ANKRD27: variants seen among roughly 807,000 people sequenced by gnomAD.
ANKRD27 encodes ankyrin repeat domain-containing protein 27.
In ANKRD27, 112 loss-of-function variants were observed where a neutral mutation model predicts 129.7. The observed-to-expected ratio is 0.86, with a 90% CI of 0.74 to 1.01. The LOEUF (loss-of-function observed/expected upper bound fraction) is 1.01, where lower values mean the gene tolerates loss of function less well. Among genes scored for constraint, ANKRD27 ranks in the 50% least tolerant of loss-of-function variants. The probability of loss-of-function intolerance (pLI) is 0.00; values close to 1 mark genes in which losing one functional copy is unlikely to be tolerated. For synonymous variants in ANKRD27, 516 were observed against 511.2 expected, an observed-to-expected ratio of 1.01 and a Z score of -0.13; for missense variants, 1,258 against 1,300.5, an observed-to-expected ratio of 0.97 and a Z score of 0.50.
rs535559598 is a variant in ANKRD27, at chr19:32,639,949, C to T, written c.983+358G>A. On this transcript the variant is annotated intron_variant, in intron 11 of 28. Coordinates refer to ENST00000306065, the MANE Select transcript of ANKRD27 (RefSeq NM_032139.3). The stretch of plus-strand genomic sequence containing the variant: ...TTTTCCTAGAGTTACATTAGAACTA[C>T]CACAGTGCAGTGCTGCCATTTTTTT... Among the ~76,000 whole-genome samples, 107 of 152,210 alleles carry T rather than the reference C, an allele frequency of 7.0e-4. 1 individual carries two copies. The highest frequency in any genetic ancestry group is 2.3e-3 in the African/African-American group (96 of 41,544).
chr19:32,626,390 T>G (rs957038086), intron 16 of ANKRD27, among the ~76,000 whole-genome samples: 2 of 152,124 alleles, frequency 1.3e-5, no homozygotes, highest in Non-Finnish European at 2.9e-5. Context: ...CTCAGGCTGG[T>G]CTTGAACTCC....
At chr19:32,632,790 C>T (rs1967020146) in intron 12 of ANKRD27, among the ~76,000 whole-genome samples, 1 of 152,088 alleles carries the variant, frequency 6.6e-6, no homozygotes, top group African/African-American at 2.4e-5. Context: ...CAAACCCTGA[C>T]AAATTTGTGG....
chr19:32,620,414 AT>A (rs1971991513), intron 18 of ANKRD27, among the ~76,000 whole-genome samples: 1 of 150,068 alleles, frequency 6.7e-6, no homozygotes. Context: ...CAAAAAAAAA[AT>A]AAACTAGCTG....
chr19:32,638,980 CCA>C (rs1174809386), intron 12 of ANKRD27: 6 of 358,244 alleles, frequency 1.7e-5, no homozygotes, highest in Non-Finnish European at 2.5e-5. Context: ...GAGCCACCAG[CCA>C]CAGAGGTTTC....
At chr19:32,640,271 C>T in intron 11 of ANKRD27, 36 bp downstream of exon 11, 1 of 1,578,454 alleles carries the variant, frequency 6.3e-7, no homozygotes, top group South Asian at 1.1e-5. Flanking sequence ...CCAAGCACTG[C>T]CATTTTCAAA....
chr19:32,660,039 C>T (rs1229378003), intron 1 of ANKRD27, among the ~76,000 whole-genome samples: 3 of 152,134 alleles, frequency 2.0e-5, no homozygotes, highest in African/African-American at 4.8e-5. Context: ...CAGGAGGATC[C>T]GCTTAAGACC....
At chr19:32,655,755 C>T (rs1046705061) in intron 2 of ANKRD27, among the ~76,000 whole-genome samples, 8 of 151,950 alleles carry the variant, frequency 5.3e-5, no homozygotes, top group South Asian at 2.1e-4. Flanking sequence ...CAGTGGCTCA[C>T]GCCTGTAATT....
chr19:32,658,340 C>T (rs117112900), intron 2 of ANKRD27, among the ~76,000 whole-genome samples: 15 of 152,338 alleles, frequency 9.8e-5, no homozygotes, highest in Non-Finnish European at 1.8e-4. Flanking sequence ...GCAGATGCCC[C>T]CACCATGACA....
chr19:32,634,188 C>T (rs1187194588), intron 12 of ANKRD27, among the ~76,000 whole-genome samples: 1 of 152,184 alleles, frequency 6.6e-6, no homozygotes, highest in East Asian at 1.9e-4. Context: ...AGGAGATACA[C>T]TTGGGATTTT....
At chr19:32,661,244 CACACACAT>C (rs373127138) in intron 1 of ANKRD27, among the ~76,000 whole-genome samples, 3,636 of 150,092 alleles carry the variant, frequency 0.024, 77 homozygotes, top group East Asian at 0.12. Context: ...CACACACACA[CACACACAT>C]ATACTCACAC....
chr19:32,619,601 G>A (rs559363811), intron 18 of ANKRD27, 48 bp from the exon 19 acceptor site: 15 of 1,600,894 alleles, frequency 9.4e-6, no homozygotes, highest in East Asian at 6.7e-5. Flanking sequence ...GATGGGGGTC[G>A]TCTCAGCACA....
intron 2 of ANKRD27, among the ~76,000 whole-genome samples, chr19:32,657,617 T>C (rs1022485298): frequency 6.7e-6 from 1 of 149,212 alleles, no homozygotes; most frequent in Non-Finnish European, 1.5e-5. Flanking sequence ...AGTGAGACTC[T>C]GTCTCAAAAA....
intron 1 of ANKRD27, among the ~76,000 whole-genome samples, chr19:32,662,902 C>T (rs1161448431): frequency 2.0e-5 from 3 of 151,886 alleles, no homozygotes; most frequent in African/African-American, 4.8e-5. Flanking sequence ...ATTAGCCAGG[C>T]GTGATGGCAT....
intron 1 of ANKRD27, among the ~76,000 whole-genome samples, chr19:32,659,982 G>C (rs762035131): frequency 6.6e-6 from 1 of 152,154 alleles, no homozygotes; most frequent in African/African-American, 2.4e-5. Context: ...CAATTATCTG[G>C]GTATGGTGGC....
At chr19:32,674,124 T>C (rs1210328492) in intron 1 of ANKRD27, among the ~76,000 whole-genome samples, 3 of 151,486 alleles carry the variant, frequency 2.0e-5, no homozygotes, top group Non-Finnish European at 4.4e-5. Context: ...ATCACTGCAC[T>C]CCAGACTAGC....
chr19:32,606,599 A>T (rs1971742492), intron 23 of ANKRD27, among the ~76,000 whole-genome samples: 2 of 152,238 alleles, frequency 1.3e-5, no homozygotes, highest in Non-Finnish European at 2.9e-5. Flanking sequence ...GTGCTGGGCG[A>T]CAGTGATCTC....
At chr19:32,609,107 CAA>C (rs57945865) in intron 22 of ANKRD27, among the ~76,000 whole-genome samples, 2,123 of 135,668 alleles carry the variant, frequency 0.016, 41 homozygotes, top group East Asian at 0.11. Context: ...ACTCCATCTC[CAA>C]AAAAAAAAAA....
Position 32,619,254 on chromosome 19 carries a change from C to T in ANKRD27, c.2007+6G>A. The stretch of plus-strand genomic sequence containing the variant: ...CCCTCCCCAGCCCTTCCTCTGGAAG[C>T]CTCACCTCTCTGTAGTCCTTCTTGG... On this transcript the variant is annotated splice_donor_region_variant and intron_variant, in intron 20 of 28. Transcript: ENST00000306065. The T allele has an allele frequency of 1.2e-6, 2 of 1,610,144 alleles. No individual in the cohort carries two copies. Among genetic ancestry groups the T allele is most frequent in the Non-Finnish European group, 1.7e-6 (2 of 1,177,970 alleles).
At chr19:32,661,221 A>G (rs1051661892) in intron 1 of ANKRD27, among the ~76,000 whole-genome samples, 1 of 17,930 alleles carries the variant, frequency 5.6e-5, no homozygotes, top group African/African-American at 9.8e-5. Context: ...AAAAAATTAT[A>G]CACACACACA....
Sources: gnomAD v4.1 joint callset for allele counts (sites outside exome capture counted in the v4.1 genomes callset) on GRCh38, gnomAD v4.1.1 for gene constraint, MANE v1.5 for transcripts, NCBI Gene and HGNC (gene_info 2026-07-23, HGNC 2026-07-21) for gene names.